GNAQ: variants seen among roughly 807,000 people sequenced by gnomAD.
GNAQ encodes G protein subunit alpha q.
GNAQ carries 8 observed loss-of-function variants against 43.9 expected under a neutral mutation model. The observed-to-expected ratio is 0.18, with a 90% confidence interval of 0.11 to 0.33. The LOEUF is 0.33. GNAQ is among the 10% of genes least tolerant of loss of function. GNAQ has a pLI of 1.00. For synonymous variants in GNAQ, 155 were observed against 170.7 expected, an observed-to-expected ratio of 0.91 and a Z score of 0.71; for missense variants, 158 against 450.8, an observed-to-expected ratio of 0.35 and a Z score of 5.88.
intron 5 of GNAQ, among the ~76,000 whole-genome samples, chr9:77,770,023 C>T (rs185738413): frequency 6.6e-6 from 1 of 152,222 alleles, no homozygotes; most frequent in Admixed American, 6.5e-5. Context: ...CAACAAGTAG[C>T]AGCTTTTCCT....
At chr9:77,836,180 A>AT (rs939007570) in intron 2 of GNAQ, among the ~76,000 whole-genome samples, 75 of 148,542 alleles carry the variant, frequency 5.0e-4, no homozygotes, top group Middle Eastern at 3.5e-3. Flanking sequence ...GCCTTCTCCT[A>AT]TTTTTTTTTT....
In GNAQ at chr9:77,820,087, CAAAAAAAAAAA is replaced by C. The variant is rs3083136; in HGVS notation, c.322-4328_322-4318del. On this transcript the variant is annotated intron_variant, in intron 2 of 6. Coordinates refer to ENST00000286548, the MANE Select transcript of GNAQ (RefSeq NM_002072.5). The stretch of plus-strand genomic sequence containing the variant: ...TTAAGGCTACTAGTTATTTAAAATG[CAAAAAAAAAAA>C]AAAAAAAAGGAAAAATAGTACAAAA... 3.8e-5 allele frequency among the ~76,000 whole-genome samples: 4 copies of C among 104,992 alleles called. No homozygotes were observed. In the Admixed American group the frequency reaches 4.0e-4, roughly 10 times the overall value. 68.9% of individuals were successfully genotyped at this position (104,992 alleles called of 152,430 possible). A position where few individuals can be genotyped will look rare whatever the true frequency, so the allele number is the denominator to read the frequency against.
intron 5 of GNAQ, among the ~76,000 whole-genome samples, chr9:77,766,618 C>T (rs949036734): frequency 2.6e-5 from 4 of 151,310 alleles, no homozygotes; most frequent in East Asian, 1.9e-4. Flanking sequence ...GGCTCAACAC[C>T]GGGGCAGGAG....
intron 2 of GNAQ, among the ~76,000 whole-genome samples, chr9:77,845,383 T>C (rs11793689): frequency 0.54 from 81,839 of 152,048 alleles, 25,430 homozygotes; most frequent in Non-Finnish European, 0.7. Flanking sequence ...ACACTTGAGA[T>C]GGAATAATGC....
At chr9:77,993,798 A>G (rs1290546945) in intron 1 of GNAQ, among the ~76,000 whole-genome samples, 1 of 152,220 alleles carries the variant, frequency 6.6e-6, no homozygotes, top group Non-Finnish European at 1.5e-5. Flanking sequence ...ATAAAAAATG[A>G]CATTTCAAGA....
intron 2 of GNAQ, among the ~76,000 whole-genome samples, chr9:77,887,013 T>C (rs956390071): frequency 9.9e-5 from 15 of 151,672 alleles, no homozygotes; most frequent in African/African-American, 3.6e-4. Flanking sequence ...TCCCAGTTAC[T>C]TTGGAGGCTA....
intron 2 of GNAQ, among the ~76,000 whole-genome samples, chr9:77,854,503 T>A (rs1827720453): frequency 6.6e-6 from 1 of 152,222 alleles, no homozygotes; most frequent in South Asian, 2.1e-4. Flanking sequence ...GCTCATTAAT[T>A]GCTTCAGGTT....
intron 2 of GNAQ, among the ~76,000 whole-genome samples, chr9:77,823,926 A>G (rs774009480): frequency 9.2e-5 from 14 of 152,226 alleles, no homozygotes; most frequent in Non-Finnish European, 1.8e-4. Context: ...TTACATTGAT[A>G]TTATTCAAGG....
intron 2 of GNAQ, among the ~76,000 whole-genome samples, chr9:77,868,440 T>C (rs970799525): frequency 1.3e-5 from 2 of 152,216 alleles, no homozygotes; most frequent in Non-Finnish European, 2.9e-5. Flanking sequence ...GTTTATTAAA[T>C]TTCTTCTGGA....
At chr9:77,943,165 C>G (rs1829338919) in intron 1 of GNAQ, among the ~76,000 whole-genome samples, 1 of 152,192 alleles carries the variant, frequency 6.6e-6, no homozygotes. Context: ...CTCAAAAGCT[C>G]TCAGGTCAAC....
At chr9:77,855,056 T>C (rs1361234245) in intron 2 of GNAQ, among the ~76,000 whole-genome samples, 2 of 152,312 alleles carry the variant, frequency 1.3e-5, no homozygotes, top group East Asian at 1.9e-4. Context: ...AGTGGCAACA[T>C]ATGACAGTAT....
At chr9:77,819,198 G>A (rs952535879) in intron 2 of GNAQ, among the ~76,000 whole-genome samples, 7 of 152,110 alleles carry the variant, frequency 4.6e-5, no homozygotes, top group African/African-American at 1.7e-4. Context: ...AACATTGTGA[G>A]AACTAAGTAG....
chr9:77,944,505 T>A (rs1829360053), intron 1 of GNAQ, among the ~76,000 whole-genome samples: 1 of 152,100 alleles, frequency 6.6e-6, no homozygotes, highest in South Asian at 2.1e-4. Flanking sequence ...CCACCAAACT[T>A]ACCATTCAGC....
chr9:77,881,875 C>T (rs11145604), intron 2 of GNAQ, among the ~76,000 whole-genome samples: 14,156 of 152,188 alleles, frequency 0.093, 1,392 homozygotes, highest in African/African-American at 0.21. Context: ...TGGTGGCCTA[C>T]GCCTATAATC....
chr9:77,728,160 A>G (rs1330967412), intron 6 of GNAQ, among the ~76,000 whole-genome samples: 2 of 151,926 alleles, frequency 1.3e-5, no homozygotes, highest in Non-Finnish European at 2.9e-5. Flanking sequence ...ACGCCCAGCT[A>G]ATTTTTATAT....
chr9:77,830,837 CCACACA>C lies in GNAQ; in HGVS notation c.322-15073_322-15068del, dbSNP rs5898566. On this transcript the variant is annotated intron_variant, in intron 2 of 6. Coordinates refer to ENST00000286548, the MANE Select transcript of GNAQ (RefSeq NM_002072.5). Reference sequence around the variant, plus strand: ...TCAAAACCACTGTTAAGGTGTTATACCACACACACACACACACACACACACAATCAA... The same window carrying C: ...TCAAAACCACTGTTAAGGTGTTATACCACACACACACACACACACAATCAA... Among the ~76,000 whole-genome samples, 20 of 150,788 alleles carry C rather than the reference CCACACA, an allele frequency of 1.3e-4. No individual in the cohort carries two copies. In the East Asian group the frequency reaches 1.8e-3, roughly 13 times the overall value.
At chr9:77,950,950 CTT>C (rs1386042134) in intron 1 of GNAQ, among the ~76,000 whole-genome samples, 1 of 151,864 alleles carries the variant, frequency 6.6e-6, no homozygotes, top group Admixed American at 6.6e-5. Context: ...TATAAAATAA[CTT>C]TTTAATTTAA....
chr9:77,846,763 T>C (rs1252428031), intron 2 of GNAQ, among the ~76,000 whole-genome samples: 1 of 152,198 alleles, frequency 6.6e-6, no homozygotes, highest in Non-Finnish European at 1.5e-5. Context: ...CTAATATAAA[T>C]AACATTTTTG....
intron 1 of GNAQ, among the ~76,000 whole-genome samples, chr9:78,028,841 T>A (rs1587468802): frequency 6.6e-6 from 1 of 152,242 alleles, no homozygotes; most frequent in East Asian, 1.9e-4. Context: ...CTCATACACA[T>A]ACACGCACGC....
Sources: allele counts gnomAD v4.1 joint callset (sites outside exome capture counted in the v4.1 genomes callset), GRCh38; gene constraint gnomAD v4.1.1; transcripts MANE v1.5; gene names NCBI Gene and HGNC (gene_info 2026-07-23, HGNC 2026-07-21).